The following GALK2 variants were observed in gnomAD, a reference collection of about 807,000 sequenced individuals.
GALK2 encodes N-acetylgalactosamine kinase.
In GALK2, 36 loss-of-function variants were observed where a neutral mutation model predicts 52.4. The ratio of observed to expected loss-of-function variants is 0.69; its 90% CI spans 0.53 to 0.91. GALK2 has a LOEUF of 0.91. Ranked by LOEUF, GALK2 falls within the 40% of genes least tolerant of loss-of-function variation. The pLI is 0.00. For missense variants in GALK2, 579 were observed against 559.1 expected, an observed-to-expected ratio of 1.04 and a Z score of -0.36; for synonymous variants, 176 against 199.1, an observed-to-expected ratio of 0.88 and a Z score of 0.98.
At chr15:49,176,773 A>C (rs1340368880) in intron 1 of GALK2, among the ~76,000 whole-genome samples, 1 of 152,128 alleles carries the variant, frequency 6.6e-6, no homozygotes, top group Non-Finnish European at 1.5e-5. Flanking sequence ...TCCACAAGTG[A>C]GATTAGCCTA....
intron 3 of GALK2, among the ~76,000 whole-genome samples, chr15:49,228,696 T>TA (rs1566958145): frequency 2.6e-5 from 2 of 77,532 alleles, no homozygotes; most frequent in African/African-American, 1.1e-4. Context: ...TATTTTTTTT[T>TA]TTTTTTTTTT....
At chr15:49,166,286 A>G (rs1253515380), upstream of GALK2, among the ~76,000 whole-genome samples, 3 of 152,280 alleles carry the variant, frequency 2.0e-5, no homozygotes, top group East Asian at 5.8e-4. Flanking sequence ...CTGCAAAACA[A>G]TCTATGTTCG....
At chr15:49,267,270 C>T (rs904256217) in intron 5 of GALK2, among the ~76,000 whole-genome samples, 1 of 152,058 alleles carries the variant, frequency 6.6e-6, no homozygotes, top group Non-Finnish European at 1.5e-5. Flanking sequence ...CTAACCTGAC[C>T]TAAAAGGATT....
chr15:49,292,087 C>CGT (rs367801724), intron 7 of GALK2, among the ~76,000 whole-genome samples: 152 of 150,680 alleles, frequency 1.0e-3, no homozygotes, highest in African/African-American at 2.7e-3. Flanking sequence ...TGTGTGTTTG[C>CGT]GTGTGTGTGT....
exon 4 of GALK2, chr15:49,367,680 C>G: frequency 1.5e-6 from 2 of 1,331,714 alleles, no homozygotes; most frequent in Non-Finnish European, 2.0e-6. Context: ...TAAAATATAA[C>G]TTCATATTTA....
intron 3 of GALK2, among the ~76,000 whole-genome samples, chr15:49,352,936 G>GTGTA (rs1441046140): frequency 6.6e-6 from 1 of 152,172 alleles, no homozygotes; most frequent in Non-Finnish European, 1.5e-5. Context: ...TCTTACTGCA[G>GTGTA]TGTATTAAAC....
chr15:49,214,045 G>A (rs1283871004), intron 2 of GALK2, among the ~76,000 whole-genome samples: 5 of 151,980 alleles, frequency 3.3e-5, no homozygotes, highest in African/African-American at 4.8e-5. Context: ...GCATGAACCC[G>A]GGAGGTGGAG....
At chr15:49,184,966 A>C (rs2086243735) in intron 1 of GALK2, among the ~76,000 whole-genome samples, 1 of 152,102 alleles carries the variant, frequency 6.6e-6, no homozygotes, top group Admixed American at 6.5e-5. Context: ...CTATCTTCAG[A>C]TGATTTCTTT....
chr15:49,207,101 ATT>A (rs1009127386), intron 2 of GALK2, among the ~76,000 whole-genome samples: 5 of 152,002 alleles, frequency 3.3e-5, no homozygotes, highest in African/African-American at 1.2e-4. Flanking sequence ...TGATCATGTG[ATT>A]TTTGTTTTCT....
At chr15:49,170,241 C>T (rs536412560), upstream of GALK2, 34 of 1,539,694 alleles carry the variant, frequency 2.2e-5, no homozygotes, top group African/African-American at 4.1e-4. Flanking sequence ...GAAAACGGCT[C>T]CTGTCACAGA....
At chr15:49,293,491 G>A (rs1180292970) in intron 8 of GALK2, among the ~76,000 whole-genome samples, 3 of 152,162 alleles carry the variant, frequency 2.0e-5, no homozygotes, top group Non-Finnish European at 2.9e-5. Context: ...ACTACAACAC[G>A]GCCATGTATT....
chr15:49,326,428 T>C, intron 9 of GALK2, among the ~76,000 whole-genome samples: 1 of 152,076 alleles, frequency 6.6e-6, no homozygotes, highest in Admixed American at 6.5e-5. Flanking sequence ...ATTTTTGTAT[T>C]TTTAGTAGAG....
chr15:49,325,444 AG>A (rs1198816408), intron 9 of GALK2, among the ~76,000 whole-genome samples: 1 of 152,252 alleles, frequency 6.6e-6, no homozygotes, highest in East Asian at 1.9e-4. Context: ...AAACATGAAA[AG>A]TTCACTAAAC....
Position 49,239,316 on chromosome 15 carries a change from C to G in GALK2, c.453C>G (p.Val151=). ...GCCTCTCCAGCTCCAGTGCTTTGGT[C>G]TGTTGTGCTGGCTTGGTGACGCTCA... is the stretch of plus-strand genomic sequence containing the variant. ...SSGLSSSSAL[V]CCAGLVTLTV... Residue 151 remains valine, a synonymous_variant, in exon 5 of 10, where the codon GTC becomes GTG. Transcript: ENST00000560031. 1 of 1,614,120 alleles carries G rather than the reference C, an allele frequency of 6.2e-7. No homozygotes were observed. Among genetic ancestry groups the G allele is most frequent in the Non-Finnish European group, 8.5e-7 (1 of 1,179,992 alleles).
At position 49,329,212 on chromosome 15, in the gene GALK2, T is replaced by C; in HGVS notation, c.*1053T>C. The C allele has an allele frequency of 2.0e-6, 2 of 986,576 alleles. No homozygotes were observed. Among genetic ancestry groups the C allele is most frequent in the Non-Finnish European group, 2.4e-6 (2 of 830,738 alleles). The allele number at this position is 986,576 out of a possible 1,614,324, so 61.1% of individuals were successfully genotyped here. On this transcript the variant is annotated 3_prime_UTR_variant, in exon 10 of 10. Coordinates refer to ENST00000560031, the MANE Select transcript of GALK2 (RefSeq NM_002044.4). ...AAGACTTAATGAATTCTGGGATTTGTAATGGTATTGATGGGTATCTCTGTA... is the reference window on the plus strand; with the variant it reads ...AAGACTTAATGAATTCTGGGATTTGCAATGGTATTGATGGGTATCTCTGTA...
chr15:49,226,180 G>T (rs75547939), intron 3 of GALK2, among the ~76,000 whole-genome samples: 3,363 of 152,188 alleles, frequency 0.022, 103 homozygotes, highest in South Asian at 0.077. Context: ...TACTTTTACT[G>T]CCTACTCTCC....
intron 5 of GALK2, among the ~76,000 whole-genome samples, 198 bp from the exon 6 acceptor site, chr15:49,281,789 A>C (rs1347075652): frequency 6.6e-6 from 1 of 152,218 alleles, no homozygotes; most frequent in Admixed American, 6.5e-5. Flanking sequence ...TTCCATACCC[A>C]TAGCAGACAT....
chr15:49,187,312 T>G (rs77928897), intron 1 of GALK2, among the ~76,000 whole-genome samples: 10,330 of 152,252 alleles, frequency 0.068, 741 homozygotes, highest in African/African-American at 0.17. Flanking sequence ...TCCATACTGA[T>G]TTTCCTGGAG....
At chr15:49,229,879 T>C (rs2090405852) in intron 3 of GALK2, among the ~76,000 whole-genome samples, 1 of 152,140 alleles carries the variant, frequency 6.6e-6, no homozygotes, top group African/African-American at 2.4e-5. Flanking sequence ...TGAAAATCCA[T>C]GGTGGCTCTG....
Sources: allele counts gnomAD v4.1 joint callset (sites outside exome capture counted in the v4.1 genomes callset), GRCh38; gene constraint gnomAD v4.1.1; transcripts MANE v1.5; gene names NCBI Gene and HGNC (gene_info 2026-07-23, HGNC 2026-07-21).